Variants in GSN observed in about 807,000 individuals in gnomAD.
GSN encodes gelsolin, also known as actin-depolymerizing factor.
Under a neutral mutation model 85.7 loss-of-function variants are expected in GSN, and 56 were observed. The ratio of observed to expected loss-of-function variants is 0.65; its 90% confidence interval spans 0.53 to 0.82. GSN has a LOEUF of 0.82. Among genes scored for constraint, GSN ranks in the 40% least tolerant of loss-of-function variants. The pLI, the probability that GSN is intolerant of heterozygous loss-of-function variation, is 0.00. For missense variants in GSN, 857 were observed against 979.8 expected (o/e 0.87, Z 1.67); for synonymous variants, 373 against 399.1 (o/e 0.93, Z 0.78).
intron 2 of GSN, 29 bp from the exon 3 acceptor site, chr9:121,301,934 C>G (rs372962118): frequency 1.2e-6 from 2 of 1,613,782 alleles, no homozygotes; most frequent in Admixed American, 1.7e-5. Context: ...GACCCTGCCC[C>G]GCTTAGGCTC....
chr9:121,239,453 G>A, intron 5 of GSN: 2 of 378,232 alleles, frequency 5.3e-6, no homozygotes. Flanking sequence ...AATACAATTG[G>A]AAAATTTTCC....
At chr9:121,247,885 A>G (rs1323843788) in intron 5 of GSN, among the ~76,000 whole-genome samples, 1 of 26,946 alleles carries the variant, frequency 3.7e-5, no homozygotes, top group Non-Finnish European at 9.5e-5. Flanking sequence ...CACCACCCCC[A>G]GTGCCCACCA....
At position 121,314,389 on chromosome 9, in the gene GSN, G is replaced by A. The variant is rs144646668; in HGVS notation, c.753+366G>A. Among the ~76,000 whole-genome samples, 329 of 152,332 alleles carry A rather than the reference G, an allele frequency of 2.2e-3. 2 individuals carry two copies. The highest frequency in any genetic ancestry group is 7.6e-3 in the African/African-American group (315 of 41,578). On this transcript the variant is annotated intron_variant, in intron 7 of 17. Transcript: ENST00000432226. ...TACTTGGGGAAATACTACAGAAATG[G>A]TGTGTATGTGGGGAGGTTGGGGGTG...
intron 10 of GSN, among the ~76,000 whole-genome samples, chr9:121,319,693 C>G (rs2062167146): frequency 6.6e-6 from 1 of 151,410 alleles, no homozygotes; most frequent in Non-Finnish European, 1.5e-5. Flanking sequence ...AGAAAAAAAT[C>G]AGTTAAAAAA....
At chr9:121,331,046 A>G (rs1458178297) in intron 16 of GSN, among the ~76,000 whole-genome samples, 1 of 152,202 alleles carries the variant, frequency 6.6e-6, no homozygotes, top group Admixed American at 6.5e-5. Flanking sequence ...TGCTCATCTC[A>G]AAGGGGCAGC....
At chr9:121,278,984 A>G (rs1328487080) in intron 1 of GSN, among the ~76,000 whole-genome samples, 1 of 152,094 alleles carries the variant, frequency 6.6e-6, no homozygotes, top group Non-Finnish European at 1.5e-5. Context: ...CACGCATGGG[A>G]GTCATAGTTT....
intron 5 of GSN, among the ~76,000 whole-genome samples, chr9:121,236,014 T>A (rs1031168210): frequency 1.3e-5 from 2 of 152,140 alleles, no homozygotes; most frequent in Admixed American, 6.5e-5. Context: ...AAATGTATTG[T>A]CTCACACTCT....
In GSN at chr9:121,327,240, C is replaced by T. The variant is rs2063320250; in HGVS notation, c.1588-68C>T. On this transcript the variant is annotated intron_variant, in intron 13 of 17. Coordinates refer to ENST00000432226, the MANE Select transcript of GSN (RefSeq NM_198252.3). ...AGAGCTAGTCCTGCTGCGGGGTCTC[C>T]TGGGCTGTGAGGAGGGGGCTGAGGG... 2.3e-6 allele frequency: 3 copies of T among 1,302,444 alleles called. No individual in the cohort carries two copies. The East Asian group carries it at 6.9e-5, about 30-fold the overall frequency. 80.7% of individuals were successfully genotyped at this position (1,302,444 alleles called of 1,614,324 possible). A position where few individuals can be genotyped will look rare whatever the true frequency, so the allele number is the denominator to read the frequency against.
chr9:121,309,772 T>C (rs962771142), intron 4 of GSN: 1 of 152,046 alleles, frequency 6.6e-6, no homozygotes, highest in Non-Finnish European at 1.5e-5. Context: ...TTAAACAGCA[T>C]AGTGAGACCC....
At chr9:121,297,902 ATTT>A (rs2059365838) in intron 2 of GSN, 1 of 152,122 alleles carries the variant, frequency 6.6e-6, no homozygotes, top group South Asian at 2.1e-4. Context: ...GTTTGGATAA[ATTT>A]TTTATCTAGA....
At chr9:121,295,989 C>A (rs191264921) in intron 2 of GSN, among the ~76,000 whole-genome samples, 173 of 152,366 alleles carry the variant, frequency 1.1e-3, no homozygotes, top group African/African-American at 3.8e-3. Flanking sequence ...GCCTGGGGAT[C>A]TTCCAGGCCT....
At chr9:121,331,555 T>C (rs1403826505) in intron 17 of GSN, 107 bp downstream of exon 17, 2 of 719,624 alleles carry the variant, frequency 2.8e-6, no homozygotes, top group Non-Finnish European at 5.0e-6. Flanking sequence ...AGGGGACTGA[T>C]GGACAAGATA....
chr9:121,310,986 C>A, intron 5 of GSN, 141 bp downstream of exon 5: 1 of 751,662 alleles, frequency 1.3e-6, no homozygotes, highest in South Asian at 1.5e-5. Flanking sequence ...ACAGATATGT[C>A]TGTATGCAAA....
chr9:121,232,686 T>A (rs528425435), intron 5 of GSN, among the ~76,000 whole-genome samples: 11 of 152,348 alleles, frequency 7.2e-5, no homozygotes, highest in Middle Eastern at 3.4e-3. Context: ...CTTGCTATCC[T>A]GAGCCAAGAA....
intron 5 of GSN, among the ~76,000 whole-genome samples, chr9:121,245,361 C>G (rs1195396517): frequency 1.3e-5 from 2 of 152,030 alleles, no homozygotes; most frequent in Non-Finnish European, 2.9e-5. Context: ...TTCTTTCTTT[C>G]TTTCTTTCAT....
intron 5 of GSN, among the ~76,000 whole-genome samples, chr9:121,237,204 C>T (rs2054512423): frequency 6.6e-6 from 1 of 152,212 alleles, no homozygotes; most frequent in South Asian, 2.1e-4. Context: ...ATGTAATAAA[C>T]AGGAAAAGGA....
At chr9:121,212,069 C>T (rs371259828) in intron 4 of GSN, among the ~76,000 whole-genome samples, 18 of 152,260 alleles carry the variant, frequency 1.2e-4, no homozygotes, top group Middle Eastern at 3.4e-3. Context: ...CCTTCAGTGA[C>T]CACCTTCCCG....
chr9:121,293,608 A>T (rs12156628), intron 2 of GSN, among the ~76,000 whole-genome samples: 57,109 of 151,160 alleles, frequency 0.38, 13,457 homozygotes, highest in East Asian at 0.62. Flanking sequence ...AATTAGCCAG[A>T]AATCACTTGA....
At chr9:121,244,435 T>G (rs1366146203) in intron 5 of GSN, among the ~76,000 whole-genome samples, 1 of 152,254 alleles carries the variant, frequency 6.6e-6, no homozygotes, top group Non-Finnish European at 1.5e-5. Context: ...CCAAAGTGGC[T>G]GCACCATTTT....
Sources: gnomAD v4.1 joint callset for allele counts (sites outside exome capture counted in the v4.1 genomes callset) on GRCh38, gnomAD v4.1.1 for gene constraint, MANE v1.5 for transcripts, NCBI Gene and HGNC (gene_info 2026-07-23, HGNC 2026-07-21) for gene names.